HHIPL1: variants seen among roughly 807,000 people sequenced by gnomAD.
HHIPL1 encodes the protein HHIP like 1.
A neutral mutation model predicts 61.8 loss-of-function variants in HHIPL1; 43 were observed. The ratio of observed to expected loss-of-function variants is 0.70; its 90% CI spans 0.55 to 0.90. The LOEUF (loss-of-function observed/expected upper bound fraction) is 0.90. HHIPL1 is among the 40% of genes least tolerant of loss of function. HHIPL1 has a pLI of 0.00. For missense variants in HHIPL1, 1,056 were observed against 1,157.7 expected, an observed-to-expected ratio of 0.91 and a Z score of 1.28; for synonymous variants, 482 against 515.8, an observed-to-expected ratio of 0.93 and a Z score of 0.89.
the HHIPL1 span, among the ~76,000 whole-genome samples, chr14:99,631,081 T>TTTCTTTC: frequency 6.7e-6 from 1 of 148,496 alleles, no homozygotes; most frequent in African/African-American, 2.6e-5. Flanking sequence ...TCTTTCTTTC[T>TTTCTTTC]TTCTTTCTTT....
At chr14:99,670,163 G>A (rs2056311430) in intron 7 of HHIPL1, among the ~76,000 whole-genome samples, 1 of 151,044 alleles carries the variant, frequency 6.6e-6, no homozygotes, top group Non-Finnish European at 1.5e-5. Flanking sequence ...CCAGGCTGGA[G>A]CGCAGTAGCA....
intron 6 of HHIPL1, among the ~76,000 whole-genome samples, chr14:99,666,641 C>T (rs2056250610): frequency 1.3e-5 from 2 of 152,196 alleles, no homozygotes; most frequent in Non-Finnish European, 2.9e-5. Flanking sequence ...CAGGGCTGCT[C>T]CTGGTGGCTC....
At chr14:99,674,091 T>C (rs558261004) in intron 8 of HHIPL1, among the ~76,000 whole-genome samples, 12 of 151,948 alleles carry the variant, frequency 7.9e-5, no homozygotes, top group Admixed American at 4.6e-4. Flanking sequence ...CTCTGGGCCC[T>C]GGCCTGTGCT....
the HHIPL1 span, among the ~76,000 whole-genome samples, chr14:99,617,037 G>A: frequency 6.6e-6 from 1 of 152,178 alleles, no homozygotes; most frequent in Non-Finnish European, 1.5e-5. Context: ...GCCGAGAAGT[G>A]GCCCCAGAGC....
At chr14:99,642,422 C>T (rs1479555193), upstream of HHIPL1, among the ~76,000 whole-genome samples, 4 of 152,210 alleles carry the variant, frequency 2.6e-5, no homozygotes, top group African/African-American at 7.2e-5. Context: ...CTGCTGCTGA[C>T]GCATCTTTAA....
chr14:99,646,110 C>T (rs2055829651), intron 1 of HHIPL1, among the ~76,000 whole-genome samples: 1 of 152,274 alleles, frequency 6.6e-6, no homozygotes, highest in South Asian at 2.1e-4. Context: ...CCCCTGGGCC[C>T]CCCATCTTCC....
intron 4 of HHIPL1, 85 bp downstream of exon 4, chr14:99,659,841 A>ACCC: frequency 5.4e-6 from 2 of 368,520 alleles, no homozygotes; most frequent in Non-Finnish European, 3.8e-6. Context: ...TCCCTCGGAG[A>ACCC]CCGCACCCCC....
In HHIPL1 at chr14:99,672,367, G is replaced by A; in HGVS notation, c.1781G>A (p.Arg594Lys). The A allele has an allele frequency of 6.4e-7, 1 of 1,551,294 alleles. No individual in the cohort carries two copies. The highest frequency in any genetic ancestry group is 1.2e-5 in the South Asian group (1 of 84,068). ...CQIQPAQVKI[R>K]SRLIPFVPKE... ...ATCCAGCCTGCTCAGGTGAAGATCA[G>A]AAGCCGTCTCATCCCCTTTGTGCCC... Residue 594 changes from arginine (R) to lysine (K), a missense_variant, in exon 8 of 9, where the codon AGA (arginine) becomes AAA (lysine). Arg to Lys is a conservative substitution (Grantham distance 26, BLOSUM62 2). Transcript: ENST00000330710.
the HHIPL1 span, among the ~76,000 whole-genome samples, chr14:99,622,003 C>A: frequency 6.6e-6 from 1 of 152,162 alleles, no homozygotes; most frequent in African/African-American, 2.4e-5. Context: ...GCATAAGCCA[C>A]CGCGCCTGGC....
At chr14:99,605,111 G>A in the HHIPL1 span, among the ~76,000 whole-genome samples, 27 of 152,314 alleles carry the variant, frequency 1.8e-4, no homozygotes, top group Middle Eastern at 3.4e-3. Context: ...GGCGCTCGGA[G>A]CCCCGCTCCA....
the HHIPL1 span, among the ~76,000 whole-genome samples, chr14:99,627,023 G>A: frequency 6.6e-6 from 1 of 152,140 alleles, no homozygotes; most frequent in Non-Finnish European, 1.5e-5. The surrounding 1 kb of genome is among the most constrained non-coding windows in gnomAD (Gnocchi z 4.4). Flanking sequence ...CAAGACACTT[G>A]AGCCTGAGTC....
At chr14:99,641,468 CA>C (rs2055751165), upstream of HHIPL1, among the ~76,000 whole-genome samples, 1 of 150,662 alleles carries the variant, frequency 6.6e-6, no homozygotes, top group South Asian at 2.1e-4. Context: ...GGCTGGAGAG[CA>C]ATGGTGCAAT....
the HHIPL1 span, among the ~76,000 whole-genome samples, chr14:99,613,074 A>G: frequency 2.0e-5 from 3 of 150,846 alleles, no homozygotes; most frequent in African/African-American, 7.3e-5. Context: ...CTCCTGTTTG[A>G]TACAACAACA....
chr14:99,659,504 G>T lies in HHIPL1; in HGVS notation c.1123G>T (p.Asp375Tyr), dbSNP rs542648879. The T allele has an allele frequency of 5.2e-6, 8 of 1,540,820 alleles. No homozygotes were observed. Among genetic ancestry groups the T allele is most frequent in the Non-Finnish European group, 4.4e-6 (5 of 1,147,968 alleles). Residue 375 changes from aspartate to tyrosine, a missense_variant, in exon 4 of 9, where the codon GAC becomes TAC. By Grantham distance (160) the Asp-to-Tyr change is radical. Coordinates refer to ENST00000330710, the MANE Select transcript of HHIPL1 (RefSeq NM_001127258.3). ...ERGLPYGIPP[D>Y]NPFVGDPAAQ... ...CGGCCTGCCCTACGGCATCCCGCCCGACAACCCGTTCGTGGGCGACCCCGC... is the reference window on the plus strand; with the variant it reads ...CGGCCTGCCCTACGGCATCCCGCCCTACAACCCGTTCGTGGGCGACCCCGC...
rs2055817062 is a variant in HHIPL1, at chr14:99,645,476, C to T, written c.255+14C>T. On this transcript the variant is annotated intron_variant, in intron 1 of 8. Coordinates refer to ENST00000330710, the MANE Select transcript of HHIPL1 (RefSeq NM_001127258.3). ...CTGCTGTGCCAGGTGAGCGGGCGCGCGGCCACCGGGCGGGGCGGGGCGCGG... is the reference window on the plus strand; with the variant it reads ...CTGCTGTGCCAGGTGAGCGGGCGCGTGGCCACCGGGCGGGGCGGGGCGCGG... The T allele has an allele frequency of 3.9e-6, 5 of 1,271,556 alleles. No homozygotes were observed. Among genetic ancestry groups the T allele is most frequent in the South Asian group, 2.8e-5 (1 of 35,416 alleles). 78.8% of individuals were successfully genotyped at this position (1,271,556 alleles called of 1,614,324 possible). A position where few individuals can be genotyped will look rare whatever the true frequency, so the allele number is the denominator to read the frequency against.
At chr14:99,619,165 G>C in the HHIPL1 span, among the ~76,000 whole-genome samples, 326 of 152,218 alleles carry the variant, frequency 2.1e-3, 1 homozygote, top group African/African-American at 7.7e-3. Context: ...CTAAGACTTA[G>C]AGTTGGCCGG....
chr14:99,659,503 C>A lies in HHIPL1; in HGVS notation c.1122C>A (p.Pro374=), dbSNP rs561488353. The change falls in exon 4 of 9, where the codon CCC becomes CCA. Residue 374 remains proline (P), a synonymous_variant. Coordinates refer to ENST00000330710, the MANE Select transcript of HHIPL1 (RefSeq NM_001127258.3). ...KERGLPYGIP[P]DNPFVGDPAA... is the part of the protein sequence containing the mutation. ...GCGGCCTGCCCTACGGCATCCCGCC[C>A]GACAACCCGTTCGTGGGCGACCCCG... 2.6e-6 allele frequency: 4 copies of A among 1,541,302 alleles called. No individual in the cohort carries two copies. The South Asian group carries it at 4.8e-5, about 18-fold the overall frequency.
the HHIPL1 span, among the ~76,000 whole-genome samples, chr14:99,619,799 G>A: frequency 4.6e-5 from 7 of 151,802 alleles, no homozygotes; most frequent in African/African-American, 1.7e-4. Context: ...CCGCTGCTGA[G>A]CGCCAGTTCT....
At chr14:99,628,887 G>A in the HHIPL1 span, among the ~76,000 whole-genome samples, 1 of 152,196 alleles carries the variant, frequency 6.6e-6, no homozygotes, top group Non-Finnish European at 1.5e-5. Flanking sequence ...GATGGAAGAC[G>A]AGGTAGTGCT....
Sources: allele counts gnomAD v4.1 joint callset (sites outside exome capture counted in the v4.1 genomes callset), GRCh38; gene constraint gnomAD v4.1.1; non-coding constraint Gnocchi (gnomAD v3.1); transcripts MANE v1.5; gene names NCBI Gene and HGNC (gene_info 2026-07-23, HGNC 2026-07-21).